The following ERBB4 variants were observed in gnomAD, a reference collection of about 807,000 sequenced individuals.
The protein encoded by ERBB4 is erb-b2 receptor tyrosine kinase 4.
In ERBB4, 42 loss-of-function variants were observed where a neutral mutation model predicts 158.0. The ratio of observed to expected loss-of-function variants is 0.27; its 90% CI spans 0.21 to 0.34. ERBB4 has a LOEUF of 0.34. Ranked by LOEUF, ERBB4 falls within the 10% of genes least tolerant of loss-of-function variation. The pLI, the probability that ERBB4 is intolerant of heterozygous loss-of-function variation, is 1.00. For synonymous variants in ERBB4, 583 were observed against 558.7 expected (o/e 1.04, Z -0.61); for missense variants, 1,333 against 1,624.1 (o/e 0.82, Z 3.08).
intron 2 of ERBB4, among the ~76,000 whole-genome samples, chr2:211,975,907 T>G (rs2081593425): frequency 6.6e-6 from 1 of 152,194 alleles, no homozygotes; most frequent in East Asian, 1.9e-4. Flanking sequence ...TATTCTTTAC[T>G]AATATTATTC....
intron 2 of ERBB4, among the ~76,000 whole-genome samples, chr2:211,971,431 A>T (rs534173827): frequency 2.8e-4 from 43 of 152,278 alleles, no homozygotes; most frequent in African/African-American, 1.0e-3. Context: ...TACAAGCAAA[A>T]CAAGCCCAGG....
chr2:211,617,331 C>T (rs779425407), intron 19 of ERBB4, among the ~76,000 whole-genome samples: 3 of 151,990 alleles, frequency 2.0e-5, no homozygotes. Context: ...ATAACTTCTA[C>T]TTTTTAAAAA....
chr2:211,740,854 C>A (rs896921738), intron 5 of ERBB4, among the ~76,000 whole-genome samples: 1 of 152,098 alleles, frequency 6.6e-6, no homozygotes, highest in Non-Finnish European at 1.5e-5. Flanking sequence ...TGGTGATCCA[C>A]CTGCCTCAGC....
At chr2:212,097,812 T>G (rs550189844) in intron 2 of ERBB4, among the ~76,000 whole-genome samples, 1 of 152,110 alleles carries the variant, frequency 6.6e-6, no homozygotes, top group South Asian at 2.1e-4. Context: ...ATACAGAATA[T>G]CATTAGTAAC....
At chr2:212,403,205 C>G (rs763704541) in intron 1 of ERBB4, among the ~76,000 whole-genome samples, 1 of 152,026 alleles carries the variant, frequency 6.6e-6, no homozygotes, top group East Asian at 1.9e-4. Flanking sequence ...GTTAAATGTA[C>G]TTCTTTTCTC....
chr2:212,217,273 C>G (rs1283248007), intron 1 of ERBB4, among the ~76,000 whole-genome samples: 1 of 151,188 alleles, frequency 6.6e-6, no homozygotes, highest in Non-Finnish European at 1.5e-5. Context: ...TGATCAGAGC[C>G]AAAACCAAAA....
chr2:211,589,020 AAATAT>A, intron 19 of ERBB4, among the ~76,000 whole-genome samples: 1 of 152,294 alleles, frequency 6.6e-6, no homozygotes, highest in Non-Finnish European at 1.5e-5. Context: ...AGAAGAAAAT[AAATAT>A]AACTGTGTTC....
At chr2:212,282,371 T>G (rs2085790353) in intron 1 of ERBB4, among the ~76,000 whole-genome samples, 1 of 151,960 alleles carries the variant, frequency 6.6e-6, no homozygotes, top group Non-Finnish European at 1.5e-5. Context: ...CTTTCACCTT[T>G]GAACTCTGGA....
At chr2:212,030,789 T>A (rs2076885140) in intron 2 of ERBB4, among the ~76,000 whole-genome samples, 2 of 152,112 alleles carry the variant, frequency 1.3e-5, no homozygotes. Context: ...CTCCAGCATT[T>A]CTGGCTGCCC....
chr2:212,096,739 G>T (rs1190489482), intron 2 of ERBB4, among the ~76,000 whole-genome samples: 2 of 152,144 alleles, frequency 1.3e-5, no homozygotes, highest in Non-Finnish European at 2.9e-5. Flanking sequence ...GGAAACTAGG[G>T]TAACTAATAA....
chr2:212,188,107 G>A (rs577318691), intron 1 of ERBB4, among the ~76,000 whole-genome samples: 29 of 149,910 alleles, frequency 1.9e-4, no homozygotes, highest in Admixed American at 1.5e-3. Context: ...AATCAATCCA[G>A]TTGCTCAAGT....
chr2:211,892,505 G>A (rs1041324469), intron 3 of ERBB4, among the ~76,000 whole-genome samples: 2 of 138,106 alleles, frequency 1.4e-5, no homozygotes. Context: ...CACAAGACAG[G>A]GATGCCCTCT....
intron 1 of ERBB4, among the ~76,000 whole-genome samples, chr2:212,461,598 A>G (rs1304835529): frequency 2.0e-5 from 3 of 152,162 alleles, no homozygotes; most frequent in Admixed American, 1.3e-4. Context: ...CAGATGAGAC[A>G]TTGGACTGTG....
chr2:211,653,435 C>T (rs1173979716), intron 16 of ERBB4, among the ~76,000 whole-genome samples: 2 of 151,886 alleles, frequency 1.3e-5, no homozygotes, highest in Non-Finnish European at 2.9e-5. Context: ...GGAAACATTT[C>T]ACCTGCTTTC....
At chr2:212,098,140 A>T (rs1289351834) in intron 2 of ERBB4, among the ~76,000 whole-genome samples, 2 of 152,184 alleles carry the variant, frequency 1.3e-5, no homozygotes, top group Non-Finnish European at 2.9e-5. Context: ...ACAGAGGCAG[A>T]TTTATCTCGG....
At chr2:211,859,774 T>G (rs1033219428) in intron 3 of ERBB4, among the ~76,000 whole-genome samples, 1 of 152,180 alleles carries the variant, frequency 6.6e-6, no homozygotes, top group Non-Finnish European at 1.5e-5. Flanking sequence ...AAAGCACACA[T>G]ATAATTAGTA....
intron 20 of ERBB4, among the ~76,000 whole-genome samples, chr2:211,532,496 G>C (rs1033233797): frequency 1.3e-5 from 2 of 151,870 alleles, no homozygotes; most frequent in Non-Finnish European, 2.9e-5. Context: ...TAATGAAAAG[G>C]AAAATTGAAA....
chr2:211,643,057 C>G (rs183203003), intron 16 of ERBB4, among the ~76,000 whole-genome samples: 1 of 152,220 alleles, frequency 6.6e-6, no homozygotes, highest in Admixed American at 6.6e-5. Context: ...CTCACCCTCA[C>G]CACACTGCGT....
intron 1 of ERBB4, among the ~76,000 whole-genome samples, chr2:212,239,629 A>G (rs941122923): frequency 6.6e-6 from 1 of 152,188 alleles, no homozygotes; most frequent in East Asian, 1.9e-4. Flanking sequence ...GCTGAAATCT[A>G]TTCAAAGTAC....
Sources: allele counts gnomAD v4.1 joint callset (sites outside exome capture counted in the v4.1 genomes callset), GRCh38; gene constraint gnomAD v4.1.1; transcripts MANE v1.5; gene names NCBI Gene and HGNC (gene_info 2026-07-23, HGNC 2026-07-21).